The following BDNF variants were observed in gnomAD, a reference collection of about 807,000 sequenced individuals.
BDNF encodes the protein brain derived neurotrophic factor.
A neutral mutation model predicts 19.5 loss-of-function variants in BDNF; 1 was observed. The observed-to-expected ratio is 0.05, with a 90% CI of 0.02 to 0.24. BDNF has a LOEUF of 0.24. BDNF is among the 10% of genes least tolerant of loss of function. BDNF has a pLI of 1.00. For missense variants in BDNF, 195 were observed against 317.6 expected, an observed-to-expected ratio of 0.61 and a Z score of 2.93; for synonymous variants, 100 against 121.6, an observed-to-expected ratio of 0.82 and a Z score of 1.17.
At chr11:27,687,165 A>G (rs367725787) in intron 1 of BDNF, among the ~76,000 whole-genome samples, 9 of 152,082 alleles carry the variant, frequency 5.9e-5, no homozygotes, top group South Asian at 2.1e-4. Flanking sequence ...TTGATCTTCA[A>G]TCTCTGATAT....
chr11:27,671,798 C>G (rs1855425708), intron 1 of BDNF, among the ~76,000 whole-genome samples: 1 of 152,124 alleles, frequency 6.6e-6, no homozygotes. Context: ...CTTCCCCACC[C>G]TCATTCCACC....
At chr11:27,692,776 G>C (rs1176093043) in intron 1 of BDNF, among the ~76,000 whole-genome samples, 1 of 152,142 alleles carries the variant, frequency 6.6e-6, no homozygotes, top group East Asian at 1.9e-4. Flanking sequence ...ATTGGTTCTA[G>C]AACTGCTGTC....
At chr11:27,720,891 G>A in intron 1 of BDNF, 1 of 558,566 alleles carries the variant, frequency 1.8e-6, no homozygotes, top group Non-Finnish European at 2.3e-6. Flanking sequence ...TCTTCTACGA[G>A]AGGATTACCC....
chr11:27,659,629 CTGTGTGTGTGTGTG>C, intron 1 of BDNF: 1 of 982,180 alleles, frequency 1.0e-6, no homozygotes. Flanking sequence ...GATGTTCTCT[CTGTGTGTGTGTGTG>C]TGTGTGCGCG....
intron 1 of BDNF, among the ~76,000 whole-genome samples, chr11:27,684,461 G>A (rs555136427): frequency 2.6e-5 from 4 of 152,268 alleles, no homozygotes; most frequent in East Asian, 1.9e-4. Flanking sequence ...GTGACAGAGG[G>A]CATCCTTGTT....
At chr11:27,689,929 T>C (rs1858017622) in intron 1 of BDNF, among the ~76,000 whole-genome samples, 1 of 152,128 alleles carries the variant, frequency 6.6e-6, no homozygotes, top group Admixed American at 6.6e-5. Context: ...CCTGAGTCCA[T>C]GTGTTCTCTC....
At chr11:27,695,118 C>CTAGT (rs1397041895) in intron 1 of BDNF, among the ~76,000 whole-genome samples, 2 of 152,052 alleles carry the variant, frequency 1.3e-5, no homozygotes, top group African/African-American at 4.8e-5. Context: ...CAAGGAAATC[C>CTAGT]TAGTAACTGT....
intron 1 of BDNF, among the ~76,000 whole-genome samples, chr11:27,711,294 T>A (rs1337123062): frequency 6.6e-6 from 1 of 152,234 alleles, no homozygotes; most frequent in Non-Finnish European, 1.5e-5. Context: ...AAAGTTAGAT[T>A]TTATTATTAA....
chr11:27,703,073 A>G (rs1050408974), upstream of BDNF, among the ~76,000 whole-genome samples: 4 of 152,220 alleles, frequency 2.6e-5, no homozygotes, highest in African/African-American at 9.6e-5. Flanking sequence ...GCACATGACC[A>G]ATACAAACTA....
chr11:27,712,584 C>T (rs954357082), intron 1 of BDNF, among the ~76,000 whole-genome samples: 9 of 149,718 alleles, frequency 6.0e-5, no homozygotes, highest in Admixed American at 1.3e-4. Flanking sequence ...TGGCTAATCT[C>T]GGCTCACTGC....
chr11:27,686,463 C>A (rs1469782771), intron 1 of BDNF, among the ~76,000 whole-genome samples: 1 of 151,942 alleles, frequency 6.6e-6, no homozygotes. Flanking sequence ...GTTATTTTGC[C>A]CATTAGTTGA....
In BDNF at chr11:27,719,694, G is replaced by A. The variant is rs150504997; in HGVS notation, c.3+1718C>T. 1,273 of 972,620 alleles carry A rather than the reference G, an allele frequency of 1.3e-3. 7 individuals are homozygous for A. The African/African-American group carries it at 0.019, about 14-fold the overall frequency. The allele number at this position is 972,620 out of a possible 1,614,324, so 60.2% of individuals were successfully genotyped here. ...CAGCGAGGAGCGAGGGCGACGGAGA[G>A]GAAGAGATAGAATGAGGGAGGGATG... On this transcript the variant is annotated intron_variant, in intron 1 of 1. Transcript: ENST00000314915.
In BDNF at chr11:27,657,753, C is replaced by T; in HGVS notation, c.*68G>A. On this transcript the variant is annotated 3_prime_UTR_variant, in exon 2 of 2. Coordinates refer to ENST00000356660, the MANE Select transcript of BDNF (RefSeq NM_001709.5). The surrounding 1 kb of genome is among the most constrained non-coding windows in gnomAD (Gnocchi z 5.0). ...TTTTTTCTTAACTGAATAATTTACC[C>T]TGTTATGTATATATACAAATAGATA... 1.3e-6 allele frequency: 2 copies of T among 1,587,304 alleles called. No individual in the cohort carries two copies. Among genetic ancestry groups the T allele is most frequent in the South Asian group, 1.1e-5 (1 of 88,342 alleles).
chr11:27,656,052 G>C lies in BDNF; in HGVS notation c.*1769C>G, dbSNP rs2133767383. 6.6e-6 allele frequency: 1 copy of C among 152,306 alleles called. No individual in the cohort carries two copies. Among genetic ancestry groups the C allele is most frequent in the African/African-American group, 2.4e-5 (1 of 41,558 alleles). 9.4% of individuals were successfully genotyped at this position (152,306 alleles called of 1,614,324 possible). A position where few individuals can be genotyped will look rare whatever the true frequency, so the allele number is the denominator to read the frequency against. On this transcript the variant is annotated 3_prime_UTR_variant, in exon 2 of 2. Coordinates refer to ENST00000356660, the MANE Select transcript of BDNF (RefSeq NM_001709.5). ...AGGCACCTTCAAGTCTTGGTGTTCTGAATGTCCAGACACCTTCCCGAAGTC... is the reference window on the plus strand; with the variant it reads ...AGGCACCTTCAAGTCTTGGTGTTCTCAATGTCCAGACACCTTCCCGAAGTC...
At chr11:27,674,548 GAACTAC>G in intron 1 of BDNF, 1 of 985,206 alleles carries the variant, frequency 1.0e-6, no homozygotes, top group South Asian at 4.7e-5. Flanking sequence ...CTGTACTCCA[GAACTAC>G]TATAAAATAT....
intron 1 of BDNF, among the ~76,000 whole-genome samples, chr11:27,678,997 G>T (rs1373898967): frequency 1.3e-5 from 2 of 152,094 alleles, no homozygotes; most frequent in African/African-American, 4.8e-5. Flanking sequence ...TTCATTGAAG[G>T]TACTCCCACT....
chr11:27,680,520 G>T (rs1856715645), intron 1 of BDNF, among the ~76,000 whole-genome samples: 1 of 152,130 alleles, frequency 6.6e-6, no homozygotes, highest in African/African-American at 2.4e-5. Context: ...CCTATTCAGA[G>T]TGCCTTCCTA....
At chr11:27,719,618 G>A (rs1397398942) in intron 1 of BDNF, 3 of 984,962 alleles carry the variant, frequency 3.0e-6, no homozygotes, top group East Asian at 2.3e-4. Flanking sequence ...CGAAACTCGC[G>A]GGGAGGGAGG....
At chr11:27,713,635 T>A (rs1286393461) in intron 1 of BDNF, among the ~76,000 whole-genome samples, 4 of 152,210 alleles carry the variant, frequency 2.6e-5, no homozygotes, top group African/African-American at 4.8e-5. Context: ...AATTTCTAGA[T>A]AGCATAACAT....
Sources: allele counts gnomAD v4.1 joint callset (sites outside exome capture counted in the v4.1 genomes callset), GRCh38; gene constraint gnomAD v4.1.1; non-coding constraint Gnocchi (gnomAD v3.1); transcripts MANE v1.5; gene names NCBI Gene and HGNC (gene_info 2026-07-23, HGNC 2026-07-21).